The following CCDC7 variants were observed in gnomAD, a reference collection of about 807,000 sequenced individuals.
CCDC7 encodes the protein coiled-coil domain-containing protein 7.
CCDC7 carries 183 observed loss-of-function variants against 196.9 expected under a neutral mutation model. That is an observed-to-expected ratio of 0.93 (90% CI 0.82 to 1.05). The LOEUF (loss-of-function observed/expected upper bound fraction) is 1.05. Among genes scored for constraint, CCDC7 ranks in the 50% least tolerant of loss-of-function variants. The pLI is 0.00. For missense variants in CCDC7, 1,540 were observed against 1,482.2 expected (o/e 1.04, Z -0.64); for synonymous variants, 525 against 484.6 (o/e 1.08, Z -1.10).
chr10:32,471,895 T>A (rs2038030410), intron 6 of CCDC7, among the ~76,000 whole-genome samples: 1 of 152,126 alleles, frequency 6.6e-6, no homozygotes, highest in Non-Finnish European at 1.5e-5. Context: ...AAGATTAAGG[T>A]TTAGACCATA....
At position 32,568,006 on chromosome 10, in the gene CCDC7, G is replaced by GTTGTTTTTTTTTTTTTTTTT. The variant is rs537103642; in HGVS notation, c.1419+117_1419+118insGTTTTTTTTTTTTTTTTTTT. On this transcript the variant is annotated intron_variant, in intron 15 of 41. Transcript: ENST00000639629. ...TAAAAATTCATGCCTCTGTTTTTGG[G>GTTGTTTTTTTTTTTTTTTTT]TTTTTTTTTTTTTTTTTTTGAGATG... is the stretch of plus-strand genomic sequence containing the variant. 2 of 563,886 alleles carry GTTGTTTTTTTTTTTTTTTTT rather than the reference G, an allele frequency of 3.5e-6. 1 individual carries two copies. Among genetic ancestry groups the GTTGTTTTTTTTTTTTTTTTT allele is most frequent in the African/African-American group, 7.7e-5 (2 of 26,046 alleles). The allele number at this position is 563,886 out of a possible 1,614,324, so 34.9% of individuals were successfully genotyped here. A position where few individuals can be genotyped will look rare whatever the true frequency, so the allele number is the denominator to read the frequency against.
At chr10:32,618,759 G>A (rs1428930539) in intron 18 of CCDC7, among the ~76,000 whole-genome samples, 1 of 151,848 alleles carries the variant, frequency 6.6e-6, no homozygotes, top group Non-Finnish European at 1.5e-5. Context: ...TGAATATATA[G>A]GCTGTGGTGA....
intron 41 of CCDC7, among the ~76,000 whole-genome samples, chr10:32,863,615 C>A (rs2094089194): frequency 6.6e-6 from 1 of 151,874 alleles, no homozygotes; most frequent in Admixed American, 6.6e-5. Context: ...TAATTTTTGA[C>A]AAGGACTCCA....
At chr10:32,851,726 T>G (rs927350076) in intron 39 of CCDC7, 81 bp from the exon 41 acceptor site, 1 of 1,280,010 alleles carries the variant, frequency 7.8e-7, no homozygotes, top group Admixed American at 2.4e-5. Flanking sequence ...TGATGTTGTG[T>G]GCATATATAC....
intron 20 of CCDC7, among the ~76,000 whole-genome samples, chr10:32,641,127 G>A (rs1243459299): frequency 6.6e-6 from 1 of 152,034 alleles, no homozygotes; most frequent in Non-Finnish European, 1.5e-5. Flanking sequence ...ACAATTATGT[G>A]TCTTGGAGTT....
chr10:32,654,680 C>T lies in CCDC7; in HGVS notation c.2015-9374C>T, dbSNP rs117881450. On this transcript the variant is annotated intron_variant, in intron 20 of 41. Coordinates refer to ENST00000639629, the Ensembl canonical transcript of CCDC7. ...GTGTCTCTGTGTGTCTTGAGGCATGCTTTCAATGCTGAGGTAAGAAGTTTG... is the reference window on the plus strand; with the variant it reads ...GTGTCTCTGTGTGTCTTGAGGCATGTTTTCAATGCTGAGGTAAGAAGTTTG... Among the ~76,000 whole-genome samples, 1,266 of 152,240 alleles carry T rather than the reference C, an allele frequency of 8.3e-3. 13 individuals are homozygous for T. Among genetic ancestry groups the T allele is most frequent in the Non-Finnish European group, 0.014 (928 of 68,026 alleles).
chr10:32,565,415 T>TA, intron 13 of CCDC7, 143 bp from the exon 15 acceptor site: 1 of 708,872 alleles, frequency 1.4e-6, no homozygotes, highest in Non-Finnish European at 2.1e-6. Context: ...TATCCACCAT[T>TA]ACACTTGAGA....
chr10:32,540,205 A>T (rs1018618387), intron 11 of CCDC7, among the ~76,000 whole-genome samples: 1 of 152,142 alleles, frequency 6.6e-6, no homozygotes, highest in African/African-American at 2.4e-5. Flanking sequence ...GGGCGGTCCT[A>T]TGTTGGGTGT....
intron 41 of CCDC7, among the ~76,000 whole-genome samples, chr10:32,870,419 A>T (rs2094385778): frequency 6.6e-6 from 1 of 152,158 alleles, no homozygotes; most frequent in African/African-American, 2.4e-5. Flanking sequence ...GTGTATAAGA[A>T]TGCTTATGAT....
At chr10:32,864,812 A>G (rs1398138693) in intron 41 of CCDC7, among the ~76,000 whole-genome samples, 1 of 151,940 alleles carries the variant, frequency 6.6e-6, no homozygotes, top group African/African-American at 2.4e-5. Flanking sequence ...ATAGATGTCA[A>G]TGGGAAAAGA....
In CCDC7 at chr10:32,668,706, T is replaced by C. The variant is rs942484696; in HGVS notation, c.2122+4545T>C. Among the ~76,000 whole-genome samples the C allele has an allele frequency of 3.3e-5, 5 of 152,282 alleles. No homozygotes were observed. In the East Asian group the frequency reaches 7.7e-4, roughly 24 times the overall value. ...TTGTGTATGTTGAACCAGCCTTGCATCCCAGGGATGAAGCCCACTTGATCA... is the reference window on the plus strand; with the variant it reads ...TTGTGTATGTTGAACCAGCCTTGCACCCCAGGGATGAAGCCCACTTGATCA... On this transcript the variant is annotated intron_variant, in intron 21 of 41. Coordinates refer to ENST00000639629, the Ensembl canonical transcript of CCDC7.
intron 28 of CCDC7, among the ~76,000 whole-genome samples, chr10:32,736,304 C>T (rs1348640102): frequency 6.7e-6 from 1 of 150,314 alleles, no homozygotes; most frequent in Non-Finnish European, 1.5e-5. Flanking sequence ...GACTATTGCT[C>T]CATTTAGATC....
intron 24 of CCDC7, among the ~76,000 whole-genome samples, chr10:32,704,549 C>T (rs2079361924): frequency 6.6e-6 from 1 of 152,098 alleles, no homozygotes; most frequent in Non-Finnish European, 1.5e-5. Flanking sequence ...CAGACAGGGA[C>T]ATTTAAGTCT....
At chr10:32,825,287 G>C (rs2135713271) in intron 32 of CCDC7, among the ~76,000 whole-genome samples, 1 of 152,338 alleles carries the variant, frequency 6.6e-6, no homozygotes, top group Non-Finnish European at 1.5e-5. Context: ...TGGTGTGTCT[G>C]TGAGAGTGTT....
intron 18 of CCDC7, among the ~76,000 whole-genome samples, chr10:32,609,593 CA>C (rs1338062658): frequency 1.3e-5 from 2 of 152,080 alleles, no homozygotes; most frequent in Non-Finnish European, 1.5e-5. Flanking sequence ...TGTTGATACA[CA>C]AGGGCTAATA....
chr10:32,599,710 T>C (rs1038950234), intron 18 of CCDC7, among the ~76,000 whole-genome samples: 2 of 150,804 alleles, frequency 1.3e-5, no homozygotes, highest in Non-Finnish European at 3.0e-5. Context: ...GTTACATGGA[T>C]GAATTATACA....
chr10:32,672,306 T>A (rs756974434), intron 21 of CCDC7, among the ~76,000 whole-genome samples: 1 of 152,222 alleles, frequency 6.6e-6, no homozygotes, highest in Non-Finnish European at 1.5e-5. Flanking sequence ...CTCTCTATGA[T>A]GGCTAAACCA....
At chr10:32,805,272 G>T (rs896951033) in intron 30 of CCDC7, among the ~76,000 whole-genome samples, 174 bp downstream of exon 31, 2 of 152,158 alleles carry the variant, frequency 1.3e-5, no homozygotes, top group Non-Finnish European at 2.9e-5. Context: ...GAAATGTAAA[G>T]CTAGCTAGAT....
intron 10 of CCDC7, 31 bp from the exon 12 acceptor site, chr10:32,518,385 C>T: frequency 6.5e-7 from 1 of 1,547,828 alleles, no homozygotes; most frequent in Non-Finnish European, 8.7e-7. Context: ...GAGTTTTACT[C>T]TTCATTATTA....
Sources: gnomAD v4.1 joint callset for allele counts (sites outside exome capture counted in the v4.1 genomes callset) on GRCh38, gnomAD v4.1.1 for gene constraint, MANE v1.5 for transcripts, NCBI Gene and HGNC (gene_info 2026-07-23, HGNC 2026-07-21) for gene names.